Variants in RANGAP1 observed in about 807,000 individuals in gnomAD.
RANGAP1 encodes ran GTPase-activating protein 1.
A neutral mutation model predicts 63.5 loss-of-function variants in RANGAP1; 38 were observed. That is an observed-to-expected ratio of 0.60 (90% CI 0.46 to 0.78). The LOEUF is 0.78. RANGAP1 is among the 30% of genes least tolerant of loss of function. The probability of loss-of-function intolerance (pLI) is 0.00; values close to 1 mark genes in which losing one functional copy is unlikely to be tolerated. For missense variants in RANGAP1, 630 were observed against 740.3 expected (o/e 0.85, Z 1.73); for synonymous variants, 329 against 310.5 (o/e 1.06, Z -0.63).
intron 15 of RANGAP1, among the ~76,000 whole-genome samples, chr22:41,247,306 C>T (rs1288044245): frequency 2.0e-5 from 3 of 152,104 alleles, no homozygotes; most frequent in South Asian, 2.1e-4. Flanking sequence ...CCTCCCACCT[C>T]GGCCTCCCAA....
At chr22:41,293,610 C>G in the RANGAP1 span, among the ~76,000 whole-genome samples, 2 of 151,714 alleles carry the variant, frequency 1.3e-5, no homozygotes, top group Non-Finnish European at 1.5e-5. Flanking sequence ...AACCCCATCT[C>G]TACTAAAACT....
At chr22:41,248,570 G>A (rs775639414) in intron 15 of RANGAP1, among the ~76,000 whole-genome samples, 8 of 152,224 alleles carry the variant, frequency 5.3e-5, no homozygotes, top group Non-Finnish European at 1.2e-4. Flanking sequence ...CCCGGATGGC[G>A]CCGACTGACT....
At chr22:41,298,450 G>T in the RANGAP1 span, among the ~76,000 whole-genome samples, 1 of 152,074 alleles carries the variant, frequency 6.6e-6, no homozygotes, top group African/African-American at 2.4e-5. Context: ...GAGGAGCTGG[G>T]ATTACAGGTG....
chr22:41,292,208 T>C, the RANGAP1 span, among the ~76,000 whole-genome samples: 1 of 151,852 alleles, frequency 6.6e-6, no homozygotes, highest in Non-Finnish European at 1.5e-5. Context: ...AGTGTAATGG[T>C]GCGATCTCGG....
chr22:41,261,995 C>T (rs758084119), intron 5 of RANGAP1, among the ~76,000 whole-genome samples: 9 of 152,122 alleles, frequency 5.9e-5, no homozygotes, highest in Non-Finnish European at 7.4e-5. Context: ...GTAAGAGGAA[C>T]GGAAACTTTC....
the RANGAP1 span, among the ~76,000 whole-genome samples, chr22:41,298,403 C>T: frequency 6.6e-6 from 1 of 152,134 alleles, no homozygotes; most frequent in Non-Finnish European, 1.5e-5. Context: ...CAACCTCCAC[C>T]TCCCAGGTTC....
chr22:41,276,893 T>G (rs1291428728), intron 2 of RANGAP1, among the ~76,000 whole-genome samples: 1 of 150,362 alleles, frequency 6.7e-6, no homozygotes, highest in Non-Finnish European at 1.5e-5. Flanking sequence ...TGAGGCATAA[T>G]TGCTTGAACT....
chr22:41,296,310 C>T, the RANGAP1 span, among the ~76,000 whole-genome samples: 1 of 151,534 alleles, frequency 6.6e-6, no homozygotes, highest in Admixed American at 6.6e-5. Flanking sequence ...GAGCCACCAT[C>T]GAAAATAATA....
At chr22:41,282,447 G>T (rs1352936086) in intron 1 of RANGAP1, 1 of 152,234 alleles carries the variant, frequency 6.6e-6, no homozygotes, top group East Asian at 1.9e-4. Flanking sequence ...AGCCTCCTGA[G>T]TAGCTGGGAT....
chr22:41,250,232 C>A (rs557869644), intron 13 of RANGAP1, among the ~76,000 whole-genome samples: 17 of 152,318 alleles, frequency 1.1e-4, no homozygotes, highest in African/African-American at 3.8e-4. Flanking sequence ...AACTTGTTCC[C>A]AAAAATGCCC....
intron 2 of RANGAP1, among the ~76,000 whole-genome samples, chr22:41,276,986 GAAAAA>G (rs762582801): frequency 3.6e-5 from 2 of 56,032 alleles, no homozygotes; most frequent in Non-Finnish European, 7.4e-5. Context: ...CTGTTTCTCA[GAAAAA>G]AAAAAAAAAA....
intron 4 of RANGAP1, 125 bp downstream of exon 4, chr22:41,267,972 T>A (rs1213759500): frequency 2.1e-5 from 22 of 1,034,984 alleles, no homozygotes; most frequent in Non-Finnish European, 3.1e-5. Context: ...CGGGCTTCCA[T>A]TCCAGCAGCT....
chr22:41,274,553 G>A (rs1187020125), intron 3 of RANGAP1, 47 bp downstream of exon 3: 1 of 1,608,154 alleles, frequency 6.2e-7, no homozygotes, highest in African/African-American at 1.3e-5. Flanking sequence ...AGTGTGAACA[G>A]AAGCTTGTTC....
At position 41,277,279 on chromosome 22, in the gene RANGAP1, C is replaced by T. The variant is rs529279957; in HGVS notation, c.113-2552G>A. Among the ~76,000 whole-genome samples, 1,177 of 151,828 alleles carry T rather than the reference C, an allele frequency of 7.8e-3. 5 individuals are homozygous for T. The highest frequency in any genetic ancestry group is 0.013 in the Non-Finnish European group (873 of 67,954). ...GTTTTTAGTAGAGACGGGGTTTCAC[C>T]GTTTTAGCCAGGATGGTCTCGATCT... On this transcript the variant is annotated intron_variant, in intron 2 of 15. Transcript: ENST00000356244.
At chr22:41,255,902 C>T (rs909179936) in intron 10 of RANGAP1, 119 bp downstream of exon 10, 7 of 1,020,968 alleles carry the variant, frequency 6.9e-6, no homozygotes, top group Admixed American at 2.2e-5. Context: ...TGCAGTGAGC[C>T]GAGATCACGC....
chr22:41,290,421 G>A (rs1378549684), upstream of RANGAP1, among the ~76,000 whole-genome samples: 1 of 151,876 alleles, frequency 6.6e-6, no homozygotes, highest in East Asian at 1.9e-4. Context: ...GTAGAGATGG[G>A]GTTTCACTGT....
Position 41,249,818 on chromosome 22 carries a change from C to G in RANGAP1, c.1484-1G>C. 1 of 1,613,110 alleles carries G rather than the reference C, an allele frequency of 6.2e-7. No individual in the cohort carries two copies. On this transcript the variant is annotated splice_acceptor_variant, in intron 13 of 15. Coordinates refer to ENST00000356244, the MANE Select transcript of RANGAP1 (RefSeq NM_002883.4). LOFTEE classifies it high-confidence loss of function. Reference sequence around the variant, plus strand: ...TTGAAAGCCTTCTGCATCAGGGCATCTGTAGGGCAGAAGCAGCAGGGGCAG... The same window carrying G: ...TTGAAAGCCTTCTGCATCAGGGCATGTGTAGGGCAGAAGCAGCAGGGGCAG...
upstream of RANGAP1, among the ~76,000 whole-genome samples, chr22:41,289,889 G>A (rs1316424067): frequency 1.3e-5 from 2 of 152,202 alleles, no homozygotes; most frequent in Non-Finnish European, 2.9e-5. Flanking sequence ...ACAACCAACT[G>A]TAATGCCAGC....
chr22:41,287,999 A>AATT (rs2035793351), upstream of RANGAP1, among the ~76,000 whole-genome samples: 6 of 150,840 alleles, frequency 4.0e-5, no homozygotes, highest in South Asian at 4.2e-4. Flanking sequence ...ATAAATAAAT[A>AATT]AATTAATTAA....
Sources: gnomAD v4.1 joint callset for allele counts (sites outside exome capture counted in the v4.1 genomes callset) on GRCh38, gnomAD v4.1.1 for gene constraint, MANE v1.5 for transcripts, NCBI Gene and HGNC (gene_info 2026-07-23, HGNC 2026-07-21) for gene names.